MALL: variants seen among roughly 807,000 people sequenced by gnomAD.
MALL encodes the protein mal, T cell differentiation protein like, also known as MAL-like protein.
MALL carries 2 observed loss-of-function variants against 10.3 expected under a neutral mutation model. The observed-to-expected ratio is 0.19, with a 90% CI of 0.08 to 0.61. The LOEUF (loss-of-function observed/expected upper bound fraction) is 0.61. Ranked by LOEUF, MALL falls within the 20% of genes least tolerant of loss-of-function variation. The probability of loss-of-function intolerance (pLI) is 0.88; values close to 1 mark genes in which losing one functional copy is unlikely to be tolerated. For missense variants in MALL, 39 were observed against 115.2 expected, an observed-to-expected ratio of 0.34 and a Z score of 3.03; for synonymous variants, 27 against 51.8, an observed-to-expected ratio of 0.52 and a Z score of 2.05.
intron 1 of MALL, among the ~76,000 whole-genome samples, chr2:110,106,381 G>A (rs1002944941): frequency 3.3e-5 from 5 of 152,144 alleles, no homozygotes; most frequent in South Asian, 2.1e-4. Context: ...GGGCACGGGT[G>A]TGAGCCGCAC....
At chr2:110,095,624 T>C (rs905362520) in intron 1 of MALL, among the ~76,000 whole-genome samples, 6 of 151,970 alleles carry the variant, frequency 3.9e-5, no homozygotes, top group Non-Finnish European at 7.4e-5. Flanking sequence ...TCTTATAACC[T>C]GCATTTTAAA....
chr2:110,099,584 A>T (rs1231898196), intron 1 of MALL, among the ~76,000 whole-genome samples: 1 of 152,154 alleles, frequency 6.6e-6, no homozygotes, highest in Admixed American at 6.5e-5. Flanking sequence ...CTCTCATTAC[A>T]AACTGTTTCT....
chr2:110,109,749 C>T (rs1678762555), intron 1 of MALL, among the ~76,000 whole-genome samples: 1 of 152,058 alleles, frequency 6.6e-6, no homozygotes, highest in Non-Finnish European at 1.5e-5. Flanking sequence ...AACATTTCAT[C>T]CAACAACTGC....
Position 110,115,709 on chromosome 2 carries a change from GA to G in MALL, c.83del (p.Phe28SerfsTer8). ...TCACCAGCTCGGGCAGGAAGAAGGC[GA>G]AAGGGATGGTGAGGAACAGCGCGAC... Reference protein sequence around the residue: ...SGVALFLTIPFAFFLPELIFG... With the variant: ...SGVALFLTIPXAFFLPELIFG... On this transcript the variant is annotated frameshift_variant, in exon 1 of 4. Transcript: ENST00000272462. LOFTEE classifies it high-confidence loss of function. 2 of 1,290,922 alleles carry G rather than the reference GA, an allele frequency of 1.5e-6. No homozygotes were observed. The highest frequency in any genetic ancestry group is 2.0e-6 in the Non-Finnish European group (2 of 1,012,048). The allele number at this position is 1,290,922 out of a possible 1,614,324, so 80.0% of individuals were successfully genotyped here.
chr2:110,112,625 C>T (rs1225586621), intron 1 of MALL, among the ~76,000 whole-genome samples: 1 of 151,804 alleles, frequency 6.6e-6, no homozygotes, highest in African/African-American at 2.4e-5. Context: ...ACACTTCTAC[C>T]CTTCTGGTGG....
upstream of MALL, among the ~76,000 whole-genome samples, chr2:110,117,974 C>T (rs769654147): frequency 1.3e-5 from 2 of 152,040 alleles, no homozygotes; most frequent in East Asian, 3.8e-4. Flanking sequence ...TGGTCTCTGA[C>T]GCTGGCTGAC....
chr2:110,100,897 G>A (rs2104385229), intron 1 of MALL, among the ~76,000 whole-genome samples: 3 of 152,274 alleles, frequency 2.0e-5, no homozygotes, highest in Admixed American at 2.0e-4. Context: ...AGGAGCCCTG[G>A]AGTGCCCTAC....
At chr2:110,096,072 G>GCTT (rs1272311894) in intron 1 of MALL, among the ~76,000 whole-genome samples, 1 of 152,164 alleles carries the variant, frequency 6.6e-6, no homozygotes, top group Non-Finnish European at 1.5e-5. Flanking sequence ...GGGGCAAAGA[G>GCTT]CTTCTCAAAT....
chr2:110,098,866 G>A (rs1297643064), intron 1 of MALL, among the ~76,000 whole-genome samples: 5 of 152,094 alleles, frequency 3.3e-5, no homozygotes, highest in Non-Finnish European at 4.4e-5. Context: ...GCCAGACACG[G>A]TGGCACATGC....
intron 1 of MALL, among the ~76,000 whole-genome samples, chr2:110,099,266 C>T (rs1284796827): frequency 1.3e-5 from 2 of 152,126 alleles, no homozygotes; most frequent in South Asian, 2.1e-4. Flanking sequence ...CTTGCTTGAC[C>T]TCAGCTGGGA....
At chr2:110,095,796 G>T (rs1016857206) in intron 1 of MALL, among the ~76,000 whole-genome samples, 2 of 152,110 alleles carry the variant, frequency 1.3e-5, no homozygotes, top group African/African-American at 4.8e-5. Context: ...GGGAGGTTGA[G>T]CCTGGATGTT....
chr2:110,110,743 A>G (rs2104393623), intron 1 of MALL, among the ~76,000 whole-genome samples: 1 of 152,266 alleles, frequency 6.6e-6, no homozygotes, highest in Middle Eastern at 3.4e-3. Context: ...CCTAATATCA[A>G]AACCAGGAAA....
intron 1 of MALL, among the ~76,000 whole-genome samples, chr2:110,098,411 C>T (rs1294341663): frequency 6.6e-6 from 1 of 152,138 alleles, no homozygotes; most frequent in Non-Finnish European, 1.5e-5. Context: ...CCCTGGCAAC[C>T]ACCATTCTAC....
chr2:110,105,544 T>A (rs1479895782), intron 1 of MALL, among the ~76,000 whole-genome samples: 1 of 152,058 alleles, frequency 6.6e-6, no homozygotes, highest in East Asian at 1.9e-4. Context: ...AGACGCCACA[T>A]GGCAGTGAGG....
At chr2:110,115,566 C>A in intron 1 of MALL, 122 bp downstream of exon 1, 1 of 350,554 alleles carries the variant, frequency 2.9e-6, no homozygotes, top group Non-Finnish European at 4.6e-6. Context: ...GGCCCCTGTG[C>A]TTGCTGCCCC....
intron 1 of MALL, 40 bp from the exon 2 acceptor site, chr2:110,091,810 A>G (rs1287136312): frequency 1.3e-6 from 2 of 1,528,852 alleles, no homozygotes; most frequent in African/African-American, 1.4e-5. Context: ...TTCATTAGCT[A>G]GTGTGGAGTA....
chr2:110,095,447 C>T (rs1441682191), intron 1 of MALL, among the ~76,000 whole-genome samples: 1 of 152,052 alleles, frequency 6.6e-6, no homozygotes, highest in Non-Finnish European at 1.5e-5. Context: ...AGAGGCTGAA[C>T]TGAAACTTGA....
chr2:110,112,200 G>C (rs1005831440), intron 1 of MALL, among the ~76,000 whole-genome samples: 3 of 152,076 alleles, frequency 2.0e-5, no homozygotes, highest in Admixed American at 6.5e-5. Context: ...AAGAACCCAA[G>C]AGCAAATGCA....
chr2:110,105,028 C>T (rs1678659157), intron 1 of MALL, among the ~76,000 whole-genome samples: 1 of 152,180 alleles, frequency 6.6e-6, no homozygotes, highest in Non-Finnish European at 1.5e-5. Flanking sequence ...CTGACATTTC[C>T]TATGAAGTCC....
Sources: gnomAD v4.1 joint callset for allele counts (sites outside exome capture counted in the v4.1 genomes callset) on GRCh38, gnomAD v4.1.1 for gene constraint, MANE v1.5 for transcripts, NCBI Gene and HGNC (gene_info 2026-07-23, HGNC 2026-07-21) for gene names.